HDX: variants seen among roughly 807,000 people sequenced by gnomAD.
HDX encodes chromosome X open reading frame 43.
A neutral mutation model predicts 45.2 loss-of-function variants in HDX; 19 were observed. The ratio of observed to expected loss-of-function variants is 0.42; its 90% confidence interval spans 0.29 to 0.62. HDX has a LOEUF of 0.62. Ranked by LOEUF, HDX falls within the 20% of genes least tolerant of loss-of-function variation. The pLI is 0.20. For synonymous variants in HDX, 188 were observed against 172.8 expected (o/e 1.09, Z -0.69); for missense variants, 532 against 493.9 (o/e 1.08, Z -0.73).
chrX:84,381,329 C>T (rs2038183077), intron 5 of HDX, among the ~76,000 whole-genome samples: 1 of 110,619 alleles, frequency 9.0e-6, no homozygotes. Flanking sequence ...GGGACATTCT[C>T]CACAGAGAAA....
At chrX:84,415,099 A>G (rs1602412225) in intron 5 of HDX, among the ~76,000 whole-genome samples, 1 of 112,074 alleles carries the variant, frequency 8.9e-6, no homozygotes, top group East Asian at 2.8e-4. Context: ...ATATACTCAT[A>G]TTGCTTGGTT....
At chrX:84,380,174 A>T (rs1195856141) in intron 5 of HDX, among the ~76,000 whole-genome samples, 1 of 109,770 alleles carries the variant, frequency 9.1e-6, no homozygotes, top group Non-Finnish European at 1.9e-5. Context: ...CCACAAAGAT[A>T]TCCAAAACCC....
intron 5 of HDX, among the ~76,000 whole-genome samples, chrX:84,419,633 T>C (rs1247097323): frequency 8.9e-6 from 1 of 112,179 alleles, no homozygotes; most frequent in African/African-American, 3.2e-5. Context: ...GCATTGCCAC[T>C]GGCTGATTGT....
intron 9 of HDX, among the ~76,000 whole-genome samples, chrX:84,331,416 G>A (rs1277870261): frequency 2.7e-5 from 3 of 111,545 alleles, no homozygotes; most frequent in Non-Finnish European, 5.7e-5. Flanking sequence ...TTATATAAAT[G>A]AGTACTTGCA....
chrX:84,326,086 G>C, intron 10 of HDX, 92 bp downstream of exon 10: 1 of 808,510 alleles, frequency 1.2e-6, no homozygotes, highest in Non-Finnish European at 1.8e-6. Context: ...CAGAAATGAA[G>C]TATTAAAATG....
At chrX:84,375,680 T>G in intron 5 of HDX, among the ~76,000 whole-genome samples, 1 of 104,268 alleles carries the variant, frequency 9.6e-6, no homozygotes, top group Non-Finnish European at 1.9e-5. Context: ...CACTCATAGA[T>G]GGGAATTGAA....
At chrX:84,392,451 A>G (rs2038463715) in intron 5 of HDX, among the ~76,000 whole-genome samples, 1 of 111,300 alleles carries the variant, frequency 9.0e-6, no homozygotes, top group South Asian at 3.7e-4. Context: ...AATTATGTGA[A>G]AAATGACTCT....
intron 1 of HDX, among the ~76,000 whole-genome samples, chrX:84,493,070 C>T (rs1003844159): frequency 9.9e-5 from 11 of 110,904 alleles, no homozygotes; most frequent in African/African-American, 3.6e-4. Context: ...GGCCACCATG[C>T]CCGGCTAATT....
intron 2 of HDX, among the ~76,000 whole-genome samples, chrX:84,479,087 A>G (rs1411930004): frequency 3.6e-5 from 4 of 111,687 alleles, no homozygotes; most frequent in Non-Finnish European, 7.5e-5. Context: ...TCACTTCTAA[A>G]CTTACATACA....
At chrX:84,490,638 A>G (rs951788931) in intron 1 of HDX, among the ~76,000 whole-genome samples, 5 of 111,036 alleles carry the variant, frequency 4.5e-5, no homozygotes, top group Non-Finnish European at 5.7e-5. Context: ...TTGATAATGT[A>G]TATCTGCTAG....
chrX:84,495,376 AG>A (rs1354652118), intron 1 of HDX, among the ~76,000 whole-genome samples: 1 of 111,514 alleles, frequency 9.0e-6, no homozygotes, highest in Non-Finnish European at 1.9e-5. Flanking sequence ...TAAGTATGTG[AG>A]GTAACTGATT....
At chrX:84,356,723 C>T (rs1057223490) in intron 6 of HDX, among the ~76,000 whole-genome samples, 3 of 104,775 alleles carry the variant, frequency 2.9e-5, no homozygotes, top group African/African-American at 1.1e-4. Flanking sequence ...CCCAGGTTCA[C>T]GCCATTCTCC....
chrX:84,443,220 G>T (rs2039799576), intron 4 of HDX, among the ~76,000 whole-genome samples: 1 of 111,515 alleles, frequency 9.0e-6, no homozygotes, highest in South Asian at 3.7e-4. Context: ...AATTGAATTT[G>T]TAGGCTTTTT....
intron 7 of HDX, among the ~76,000 whole-genome samples, chrX:84,343,613 G>A (rs1031278676): frequency 1.4e-4 from 16 of 110,884 alleles, no homozygotes; most frequent in African/African-American, 5.2e-4. Flanking sequence ...TTTATGACGT[G>A]TAAATTAAAT....
chrX:84,456,876 A>G (rs748558086), intron 4 of HDX, among the ~76,000 whole-genome samples: 1 of 111,818 alleles, frequency 8.9e-6, no homozygotes, highest in South Asian at 3.7e-4. Flanking sequence ...TAGATATATA[A>G]AACATATATT....
chrX:84,479,951 C>T (rs2040641450), intron 2 of HDX, among the ~76,000 whole-genome samples: 1 of 111,201 alleles, frequency 9.0e-6, no homozygotes, highest in Non-Finnish European at 1.9e-5. Context: ...GATACAAACC[C>T]TTCATCAGAA....
At chrX:84,439,655 A>T (rs1343174398) in intron 5 of HDX, among the ~76,000 whole-genome samples, 1 of 111,181 alleles carries the variant, frequency 9.0e-6, no homozygotes, top group Non-Finnish European at 1.9e-5. Context: ...TCGAACAAGG[A>T]GTCCTTTCCT....
chrX:84,362,787 G>C (rs1269044764), intron 5 of HDX, among the ~76,000 whole-genome samples: 2 of 111,378 alleles, frequency 1.8e-5, no homozygotes, highest in Non-Finnish European at 3.8e-5. Context: ...TCCTAAGTTA[G>C]ATTCAGGAAA....
At chrX:84,354,928 C>CATAT (rs1362016065) in intron 6 of HDX, among the ~76,000 whole-genome samples, 22 of 21,356 alleles carry the variant, frequency 1.0e-3, no homozygotes, top group South Asian at 3.4e-3. Flanking sequence ...TACACACACA[C>CATAT]ACATATATAT....
Sources: allele counts gnomAD v4.1 joint callset (sites outside exome capture counted in the v4.1 genomes callset), GRCh38; gene constraint gnomAD v4.1.1; transcripts MANE v1.5; gene names NCBI Gene and HGNC (gene_info 2026-07-23, HGNC 2026-07-21).